Variants in RPIA observed in about 807,000 individuals in gnomAD.
RPIA encodes ribose-5-phosphate isomerase.
Under a neutral mutation model 37.8 loss-of-function variants are expected in RPIA, and 29 were observed. The observed-to-expected ratio is 0.77, with a 90% CI of 0.57 to 1.05. The LOEUF (loss-of-function observed/expected upper bound fraction) is 1.05, where lower values mean the gene tolerates loss of function less well. Among genes scored for constraint, RPIA ranks in the 50% least tolerant of loss-of-function variants. RPIA has a pLI of 0.00. For synonymous variants in RPIA, 167 were observed against 157.0 expected, an observed-to-expected ratio of 1.06 and a Z score of -0.48; for missense variants, 385 against 413.6, an observed-to-expected ratio of 0.93 and a Z score of 0.60.
At chr2:88,704,876 G>A (rs1394828321) in intron 3 of RPIA, among the ~76,000 whole-genome samples, 3 of 152,074 alleles carry the variant, frequency 2.0e-5, no homozygotes, top group Admixed American at 1.3e-4. Flanking sequence ...CAAAGTCTCA[G>A]GATACAAAAT....
In RPIA at chr2:88,727,118, C is replaced by T. The variant is rs1673208657; in HGVS notation, c.403-2160C>T. Among the ~76,000 whole-genome samples, 3 of 152,126 alleles carry T rather than the reference C, an allele frequency of 2.0e-5. No individual in the cohort carries two copies. The South Asian group carries it at 6.2e-4, about 32-fold the overall frequency. On this transcript the variant is annotated intron_variant, in intron 3 of 8. Transcript: ENST00000283646. ...GTGTGCGCGCGCATGTGTGCGCGTG[C>T]ATGTGTGCGCATGCGAGAGAGAGGA... is the stretch of plus-strand genomic sequence containing the variant.
At chr2:88,717,165 G>A (rs1391920832) in intron 3 of RPIA, among the ~76,000 whole-genome samples, 1 of 152,104 alleles carries the variant, frequency 6.6e-6, no homozygotes, top group Non-Finnish European at 1.5e-5. Flanking sequence ...TCCAGTTTTG[G>A]CATAGAAAGA....
chr2:88,692,029 G>A (rs898772954), intron 1 of RPIA, 46 bp downstream of exon 1: 22 of 1,539,408 alleles, frequency 1.4e-5, no homozygotes, highest in Middle Eastern at 1.7e-4. Context: ...TCCTTGGCGT[G>A]ATGGGCTACT....
Position 88,700,052 on chromosome 2 carries a change from C to T in RPIA, c.390C>T (p.Pro130=). Residue 130 remains proline (P), a synonymous_variant, in exon 3 of 9, where the codon CCC becomes CCT. Coordinates refer to ENST00000283646, the MANE Select transcript of RPIA (RefSeq NM_144563.3). The part of the protein sequence containing the change: ...KQENLNLVCI[P]TSFQARQLIL... ...AGAATCTGAACCTCGTCTGTATTCC[C>T]ACTTCCTTCCAGGTATGTCCTGCTT... 1 of 1,614,188 alleles carries T rather than the reference C, an allele frequency of 6.2e-7. No homozygotes were observed. Among genetic ancestry groups the T allele is most frequent in the Non-Finnish European group, 8.5e-7 (1 of 1,180,012 alleles).
intron 4 of RPIA, among the ~76,000 whole-genome samples, chr2:88,734,112 AC>A (rs1267697457): frequency 1.4e-5 from 2 of 147,472 alleles, no homozygotes; most frequent in Non-Finnish European, 3.0e-5. Context: ...CATTTTTCCC[AC>A]CCCCAGTGGA....
chr2:88,725,964 A>G (rs1342309338), intron 3 of RPIA, among the ~76,000 whole-genome samples: 1 of 152,208 alleles, frequency 6.6e-6, no homozygotes, highest in Non-Finnish European at 1.5e-5. Context: ...CCATTTTAAC[A>G]AACCGGCAGA....
At chr2:88,708,913 T>G (rs1271924076) in intron 3 of RPIA, among the ~76,000 whole-genome samples, 1 of 152,116 alleles carries the variant, frequency 6.6e-6, no homozygotes, top group African/African-American at 2.4e-5. Context: ...CCCGCCACCA[T>G]GCCTGGCTAA....
At position 88,737,933 on chromosome 2, in the gene RPIA, A is replaced by C. The variant is rs759489532; in HGVS notation, c.739-44A>C. The C allele has an allele frequency of 3.3e-5, 47 of 1,427,034 alleles. 1 individual carries two copies. In the South Asian group the frequency reaches 5.2e-4, roughly 16 times the overall value. The allele number at this position is 1,427,034 out of a possible 1,614,324, so 88.4% of individuals were successfully genotyped here. A position where few individuals can be genotyped will look rare whatever the true frequency, so the allele number is the denominator to read the frequency against. On this transcript the variant is annotated intron_variant, in intron 7 of 8. Transcript: ENST00000283646. ...TCTACTTTCCTGTCCTTCTCTGCCTACCTGTATCTGCATCCTTGGTCACTG... is the reference window on the plus strand; with the variant it reads ...TCTACTTTCCTGTCCTTCTCTGCCTCCCTGTATCTGCATCCTTGGTCACTG...
intron 3 of RPIA, among the ~76,000 whole-genome samples, chr2:88,715,636 A>C (rs1343788360): frequency 1.3e-5 from 2 of 152,194 alleles, no homozygotes; most frequent in Non-Finnish European, 2.9e-5. Flanking sequence ...GGTTGGCTTC[A>C]CATCCTGGAC....
intron 3 of RPIA, among the ~76,000 whole-genome samples, chr2:88,724,656 C>G (rs1362092192): frequency 6.6e-6 from 1 of 152,068 alleles, no homozygotes; most frequent in Admixed American, 6.6e-5. Flanking sequence ...ATCCTGAGCC[C>G]TAACAGTTTC....
At chr2:88,710,940 G>T (rs927359655) in intron 3 of RPIA, among the ~76,000 whole-genome samples, 1 of 152,164 alleles carries the variant, frequency 6.6e-6, no homozygotes, top group Non-Finnish European at 1.5e-5. Flanking sequence ...GGAGAAACTC[G>T]CCTGCTGAAG....
intron 1 of RPIA, among the ~76,000 whole-genome samples, chr2:88,696,133 CT>C (rs1473685682): frequency 6.6e-6 from 1 of 152,116 alleles, no homozygotes; most frequent in African/African-American, 2.4e-5. Flanking sequence ...GACTTGTCTT[CT>C]TCCTAAAAAG....
At chr2:88,736,175 G>A (rs1419922373) in intron 6 of RPIA, among the ~76,000 whole-genome samples, 1 of 152,190 alleles carries the variant, frequency 6.6e-6, no homozygotes, top group African/African-American at 2.4e-5. Context: ...TCTTTGACCA[G>A]GCTCTCAGAT....
chr2:88,713,025 C>T (rs768258308), intron 3 of RPIA, among the ~76,000 whole-genome samples: 3 of 149,678 alleles, frequency 2.0e-5, no homozygotes, highest in Admixed American at 6.7e-5. Context: ...CCCGCCACCA[C>T]GCCCAGCTGA....
At chr2:88,723,826 C>T (rs1673163618) in intron 3 of RPIA, among the ~76,000 whole-genome samples, 1 of 152,022 alleles carries the variant, frequency 6.6e-6, no homozygotes, top group Admixed American at 6.6e-5. Context: ...TTTAGGGAGA[C>T]ATGAGGTGTT....
At chr2:88,700,353 G>A (rs1394140821) in intron 3 of RPIA, among the ~76,000 whole-genome samples, 1 of 152,166 alleles carries the variant, frequency 6.6e-6, no homozygotes, top group Non-Finnish European at 1.5e-5. Flanking sequence ...ATTTATAGGT[G>A]AAAAAAATCA....
intron 7 of RPIA, 74 bp from the exon 8 acceptor site, chr2:88,737,903 T>C: frequency 9.2e-7 from 1 of 1,084,124 alleles, no homozygotes; most frequent in Non-Finnish European, 1.4e-6. Flanking sequence ...TCTTTGGTTA[T>C]CCCCTCTACT....
intron 8 of RPIA, among the ~76,000 whole-genome samples, chr2:88,742,402 G>T (rs1673392907): frequency 6.6e-6 from 1 of 152,114 alleles, no homozygotes; most frequent in Admixed American, 6.6e-5. Flanking sequence ...TATTCCATTG[G>T]TCTATATGCC....
chr2:88,722,784 C>A (rs565423450), intron 3 of RPIA, among the ~76,000 whole-genome samples: 1 of 152,168 alleles, frequency 6.6e-6, no homozygotes, highest in Non-Finnish European at 1.5e-5. Context: ...TGAAACTCTG[C>A]AAAGAAAACA....
Sources: gnomAD v4.1 joint callset for allele counts (sites outside exome capture counted in the v4.1 genomes callset) on GRCh38, gnomAD v4.1.1 for gene constraint, MANE v1.5 for transcripts, NCBI Gene and HGNC (gene_info 2026-07-23, HGNC 2026-07-21) for gene names.